The following TOPAZ1 variants were observed in gnomAD, a reference collection of about 807,000 sequenced individuals.
TOPAZ1 encodes protein TOPAZ1.
A neutral mutation model predicts 172.2 loss-of-function variants in TOPAZ1; 66 were observed. The ratio of observed to expected loss-of-function variants is 0.38; its 90% CI spans 0.31 to 0.47. The LOEUF is 0.47. Ranked by LOEUF, TOPAZ1 falls within the 20% of genes least tolerant of loss-of-function variation. The probability of loss-of-function intolerance (pLI) is 0.99; values close to 1 mark genes in which losing one functional copy is unlikely to be tolerated. For synonymous variants in TOPAZ1, 681 were observed against 683.9 expected, an observed-to-expected ratio of 1.00 and a Z score of 0.07; for missense variants, 1,822 against 1,972.4, an observed-to-expected ratio of 0.92 and a Z score of 1.44.
chr3:44,289,619 A>G (rs1700115405), intron 11 of TOPAZ1, among the ~76,000 whole-genome samples: 1 of 152,158 alleles, frequency 6.6e-6, no homozygotes, highest in Admixed American at 6.5e-5. Flanking sequence ...AGGTGGGGAA[A>G]ATCTCTCAGC....
rs371057964 is a variant in TOPAZ1, at chr3:44,309,521, A to G, written c.4141-304A>G. ...CTAAATCATGGAAGCCTTTCATCAC[A>G]TGAAATCTTAAGGAGAAGTACAGTG... On this transcript the variant is annotated intron_variant, in intron 15 of 19. Transcript: ENST00000309765. 3.9e-5 allele frequency among the ~76,000 whole-genome samples: 6 copies of G among 152,382 alleles called. No homozygotes were observed. In the East Asian group the frequency reaches 1.2e-3, roughly 29 times the overall value.
At position 44,243,365 on chromosome 3, in the gene TOPAZ1, G is replaced by A. The variant is rs1250757828; in HGVS notation, c.859G>A (p.Val287Ile). Residue 287 changes from valine (V) to isoleucine (I), a missense_variant, in exon 2 of 20, where the codon GTA becomes ATA. Coordinates refer to ENST00000309765, the MANE Select transcript of TOPAZ1 (RefSeq NM_001145030.2). Reference sequence around the variant, plus strand: ...TCAGCTCTTACAAACAGAAGAAAATGTAATGGGAGTAAATAAGTTACTACC... The same window carrying A: ...TCAGCTCTTACAAACAGAAGAAAATATAATGGGAGTAAATAAGTTACTACC... Reference protein sequence around the residue: ...IPQLLQTEENVMGVNKLLPEE... With the variant: ...IPQLLQTEENIMGVNKLLPEE... The A allele has an allele frequency of 9.7e-6, 15 of 1,550,906 alleles. No homozygotes were observed. Among genetic ancestry groups the A allele is most frequent in the Non-Finnish European group, 1.3e-5 (15 of 1,146,812 alleles).
At position 44,290,858 on chromosome 3, in the gene TOPAZ1, A is replaced by G. The variant is rs1429304058; in HGVS notation, c.3769A>G (p.Ile1257Val). ...CCAAGTACAAGCTTCCAAACAAGAA[A>G]TAACTGCAGTTCTGGAAATGAAATC... Reference protein sequence around the residue: ...LYQVQASKQEITAVLEMKSRL... With the variant: ...LYQVQASKQEVTAVLEMKSRL... The change falls in exon 12 of 20, where the codon ATA becomes GTA. Residue 1257 changes from isoleucine (I) to valine (V), a missense_variant. Physicochemically the swap from Ile to Val is conservative, Grantham distance 29. Transcript: ENST00000309765. The G allele has an allele frequency of 1.3e-6, 2 of 1,549,180 alleles. 1 individual carries two copies. The highest frequency in any genetic ancestry group is 4.0e-5 in the Admixed American group (2 of 50,294).
Position 44,242,140 on chromosome 3 carries a change from G to T in TOPAZ1, c.87G>T (p.Gly29=). The T allele has an allele frequency of 4.5e-6, 7 of 1,549,132 alleles. No individual in the cohort carries two copies. Among genetic ancestry groups the T allele is most frequent in the Non-Finnish European group, 6.1e-6 (7 of 1,146,490 alleles). Residue 29 remains glycine, a synonymous_variant, in exon 1 of 20, where the codon GGG becomes GGT. Transcript: ENST00000309765. ...VRNLQKRQAP[G]PGAAGGCGPE... is the part of the protein sequence containing the mutation. ...ACCTGCAGAAGCGGCAGGCGCCAGG[G>T]CCAGGCGCGGCGGGAGGCTGTGGCC...
chr3:44,297,001 G>A (rs1700206364), intron 12 of TOPAZ1, among the ~76,000 whole-genome samples: 6 of 151,458 alleles, frequency 4.0e-5, no homozygotes, highest in South Asian at 4.2e-4. Context: ...GTGAAACCCC[G>A]TCTCTACTAA....
intron 4 of TOPAZ1, among the ~76,000 whole-genome samples, chr3:44,258,680 A>G (rs548825074): frequency 1.3e-5 from 2 of 152,250 alleles, no homozygotes; most frequent in Admixed American, 6.5e-5. Context: ...ACTCCATGGT[A>G]TAAGTGTACC....
In TOPAZ1 at chr3:44,245,144, G is replaced by C; in HGVS notation, c.2638G>C (p.Gly880Arg). The C allele has an allele frequency of 6.4e-7, 1 of 1,552,016 alleles. No homozygotes were observed. Among genetic ancestry groups the C allele is most frequent in the Non-Finnish European group, 8.7e-7 (1 of 1,147,054 alleles). The part of the protein sequence containing the change: ...DPDLFGVSNE[G>R]ELSFTSEVPK... ...AGACCTCTTTGGAGTCTCCAATGAA[G>C]GGGAGCTCTCATTTACTTCTGAGGT... The change falls in exon 2 of 20, where the codon GGG (glycine) becomes CGG (arginine). Residue 880 changes from glycine (G) to arginine (R), a missense_variant. Transcript: ENST00000309765.
At chr3:44,251,413 T>C (rs1001745784) in intron 2 of TOPAZ1, among the ~76,000 whole-genome samples, 3 of 152,260 alleles carry the variant, frequency 2.0e-5, no homozygotes, top group Non-Finnish European at 2.9e-5. Flanking sequence ...TGAGCCACTA[T>C]GCTAAGCCCT....
chr3:44,318,643 C>G (rs1330904872), intron 16 of TOPAZ1, among the ~76,000 whole-genome samples: 2 of 151,760 alleles, frequency 1.3e-5, no homozygotes, highest in Non-Finnish European at 2.9e-5. Flanking sequence ...TTCTGAGGGT[C>G]CTAGGGAAAT....
chr3:44,301,612 G>C (rs914044522), intron 12 of TOPAZ1, among the ~76,000 whole-genome samples: 1 of 152,102 alleles, frequency 6.6e-6, no homozygotes, highest in African/African-American at 2.4e-5. Flanking sequence ...TCTCATGAAT[G>C]AATTTGAGCA....
At chr3:44,274,050 C>T (rs1057197749) in intron 8 of TOPAZ1, among the ~76,000 whole-genome samples, 8 of 151,486 alleles carry the variant, frequency 5.3e-5, no homozygotes, top group South Asian at 2.1e-4. Flanking sequence ...GAGGCCCAGG[C>T]GGGTAGATCA....
chr3:44,331,861 T>C lies in TOPAZ1; in HGVS notation c.4929T>C (p.Ala1643=). Residue 1643 remains alanine, a synonymous_variant, in exon 20 of 20, where the codon GCT becomes GCC. Transcript: ENST00000309765. ...QAAVERLIMA[A]RISDPKLFVK... Reference sequence around the variant, plus strand: ...CAGTAGAAAGGTTAATTATGGCTGCTCGTATATCAGATCCAAAGCTTTTCG... The same window carrying C: ...CAGTAGAAAGGTTAATTATGGCTGCCCGTATATCAGATCCAAAGCTTTTCG... 3 of 1,551,972 alleles carry C rather than the reference T, an allele frequency of 1.9e-6. No individual in the cohort carries two copies. The highest frequency in any genetic ancestry group is 2.6e-6 in the Non-Finnish European group (3 of 1,147,040).
intron 16 of TOPAZ1, among the ~76,000 whole-genome samples, chr3:44,313,393 C>T (rs1220163645): frequency 1.2e-4 from 18 of 151,680 alleles, no homozygotes; most frequent in African/African-American, 3.4e-4. Context: ...GGGCGGATCA[C>T]GAGGTCAGGA....
chr3:44,325,969 G>C (rs1307481820), intron 18 of TOPAZ1, among the ~76,000 whole-genome samples: 2 of 152,090 alleles, frequency 1.3e-5, no homozygotes, highest in African/African-American at 4.8e-5. Flanking sequence ...ACTTAGCCTA[G>C]TGTTTTCAAA....
chr3:44,302,313 G>A (rs1036942234), intron 12 of TOPAZ1, among the ~76,000 whole-genome samples: 1 of 152,144 alleles, frequency 6.6e-6, no homozygotes, highest in Non-Finnish European at 1.5e-5. Context: ...GGGAGGCTGA[G>A]GTAGGAGAAT....
Position 44,282,006 on chromosome 3 carries a change from T to C in TOPAZ1, c.3411T>C (p.Asn1137=). 1 of 1,547,822 alleles carries C rather than the reference T, an allele frequency of 6.5e-7. No homozygotes were observed. The highest frequency in any genetic ancestry group is 1.2e-5 in the South Asian group (1 of 83,196). ...TGTTTAAGAAATATATAAATATCAA[T>C]GAACTGTGTTTGCTACAGCGTGCAG... ...MDVFKKYINI[N]ELCLLQRAVN... The change falls in exon 9 of 20, where the codon AAT becomes AAC. Residue 1137 remains asparagine, a synonymous_variant. Transcript: ENST00000309765.
At chr3:44,301,876 A>G (rs374802828) in intron 12 of TOPAZ1, among the ~76,000 whole-genome samples, 12 of 152,050 alleles carry the variant, frequency 7.9e-5, no homozygotes, top group African/African-American at 2.7e-4. Flanking sequence ...CTTATATTTC[A>G]ATCTTTTTTC....
intron 10 of TOPAZ1, 71 bp from the exon 11 acceptor site, chr3:44,287,676 A>G: frequency 9.2e-7 from 1 of 1,086,126 alleles, no homozygotes; most frequent in Non-Finnish European, 1.3e-6. Context: ...TTCAACATAA[A>G]TGAATTTGAG....
intron 16 of TOPAZ1, 93 bp downstream of exon 16, chr3:44,310,083 G>A: frequency 8.3e-7 from 1 of 1,202,786 alleles, no homozygotes; most frequent in Non-Finnish European, 1.2e-6. Flanking sequence ...TTGAACTGTG[G>A]TTAATAGTTT....
Sources: allele counts gnomAD v4.1 joint callset (sites outside exome capture counted in the v4.1 genomes callset), GRCh38; gene constraint gnomAD v4.1.1; transcripts MANE v1.5; gene names NCBI Gene and HGNC (gene_info 2026-07-23, HGNC 2026-07-21).